The following ZNF267 variants were observed in gnomAD, a reference collection of about 807,000 sequenced individuals.
The protein encoded by ZNF267 is zinc finger (C2H2).
In ZNF267, 61 loss-of-function variants were observed where a neutral mutation model predicts 71.6. The observed-to-expected ratio is 0.85, with a 90% CI of 0.69 to 1.05. ZNF267 has a LOEUF of 1.05. ZNF267 is among the 50% of genes least tolerant of loss of function. The probability of loss-of-function intolerance (pLI) is 0.00; values close to 1 mark genes in which losing one functional copy is unlikely to be tolerated. For synonymous variants in ZNF267, 288 were observed against 293.2 expected (o/e 0.98, Z 0.18); for missense variants, 852 against 870.0 (o/e 0.98, Z 0.26).
chr16:31,890,235 C>T (rs192478442), intron 3 of ZNF267: 12 of 152,150 alleles, frequency 7.9e-5, no homozygotes, highest in African/African-American at 1.9e-4. Flanking sequence ...TATTGCATTT[C>T]GTTTTCTCAC....
rs2083831162 is a variant in ZNF267 at position 31,873,841 on chromosome 16, G to A, written c.-126G>A. The A allele has an allele frequency of 4.4e-6, 6 of 1,353,216 alleles. No individual in the cohort carries two copies. The highest frequency in any genetic ancestry group is 5.3e-6 in the Non-Finnish European group (5 of 950,478). 83.8% of individuals were successfully genotyped at this position (1,353,216 alleles called of 1,614,324 possible). A position where few individuals can be genotyped will look rare whatever the true frequency, so the allele number is the denominator to read the frequency against. On this transcript the variant is annotated 5_prime_UTR_variant, in exon 1 of 4. Transcript: ENST00000300870. ...TCGGGTCTCCTCGCCACAGCTCCGA[G>A]TCTTTCGTTCTGGGAGGCCCAGGCG...
chr16:31,887,174 A>T (rs1192184024), intron 3 of ZNF267, among the ~76,000 whole-genome samples: 1 of 151,558 alleles, frequency 6.6e-6, no homozygotes, highest in Non-Finnish European at 1.5e-5. Flanking sequence ...GAACCTTTTT[A>T]TAAACTTGTT....
Position 31,914,796 on chromosome 16 carries a change from A to G in ZNF267, c.547A>G (p.Ile183Val). 6.2e-7 allele frequency: 1 copy of G among 1,613,108 alleles called. No individual in the cohort carries two copies. Among genetic ancestry groups the G allele is most frequent in the Non-Finnish European group, 8.5e-7 (1 of 1,179,730 alleles). Residue 183 changes from isoleucine (I) to valine (V), a missense_variant, in exon 4 of 4, where the codon ATT (isoleucine) becomes GTT (valine). Coordinates refer to ENST00000300870, the MANE Select transcript of ZNF267 (RefSeq NM_003414.6). ...GCTTAATCAACAAGAGGAAATAGATATTTGGGGAAAACATCACATATATGA... is the reference window on the plus strand; with the variant it reads ...GCTTAATCAACAAGAGGAAATAGATGTTTGGGGAAAACATCACATATATGA... ...SLLNQQEEIDIWGKHHIYDKT... is the reference protein window; with the variant it reads ...SLLNQQEEIDVWGKHHIYDKT...
intron 3 of ZNF267, 40 bp downstream of exon 3, chr16:31,885,296 G>C (rs371362350): frequency 1.5e-5 from 23 of 1,556,530 alleles, no homozygotes; most frequent in Non-Finnish European, 1.9e-5. Context: ...TGGGCGAGAG[G>C]TCCAGAAGTC....
rs375892716 is a variant in ZNF267, at chr16:31,873,987, G to C, written c.3+18G>C. On this transcript the variant is annotated intron_variant, in intron 1 of 3. Coordinates refer to ENST00000300870, the MANE Select transcript of ZNF267 (RefSeq NM_003414.6). ...GGGAAATGGTGAGTGTGCGGGGTCG[G>C]GGGTCCCCAGAGGGAGGGAGGGCGG... The C allele has an allele frequency of 1.9e-6, 3 of 1,610,214 alleles. No individual in the cohort carries two copies. In the African/African-American group the frequency reaches 4.0e-5, roughly 22 times the overall value.
intron 1 of ZNF267, among the ~76,000 whole-genome samples, chr16:31,883,417 T>TA (rs2083903308): frequency 6.6e-6 from 1 of 152,224 alleles, no homozygotes; most frequent in African/African-American, 2.4e-5. Context: ...TATGTGCACA[T>TA]ATGCACATAA....
intron 1 of ZNF267, among the ~76,000 whole-genome samples, chr16:31,881,791 C>T (rs1030579794): frequency 1.7e-4 from 26 of 151,554 alleles, no homozygotes; most frequent in Non-Finnish European, 2.7e-4. Flanking sequence ...CTCAGCCTCC[C>T]GAGTAGCTGG....
intron 3 of ZNF267, among the ~76,000 whole-genome samples, chr16:31,903,575 A>T (rs2084060559): frequency 6.6e-6 from 1 of 152,164 alleles, no homozygotes; most frequent in South Asian, 2.1e-4. Context: ...TTATTTGCGT[A>T]GAGGTGTTTA....
intron 3 of ZNF267, chr16:31,914,017 G>A (rs746509984): frequency 6.5e-6 from 1 of 154,952 alleles, no homozygotes; most frequent in Non-Finnish European, 1.4e-5. Flanking sequence ...AAATGTTCTG[G>A]GTCACACCTG....
intron 1 of ZNF267, among the ~76,000 whole-genome samples, chr16:31,882,399 T>G (rs566236544): frequency 4.6e-5 from 7 of 152,330 alleles, no homozygotes; most frequent in African/African-American, 1.7e-4. Context: ...TAAGGGACTC[T>G]GTGCTGTGTC....
At position 31,885,173 on chromosome 16, in the gene ZNF267, C is replaced by CT; in HGVS notation, c.144dup (p.Lys49Ter). 1 of 1,609,642 alleles carries CT rather than the reference C, an allele frequency of 6.2e-7. No homozygotes were observed. The highest frequency in any genetic ancestry group is 8.5e-7 in the Non-Finnish European group (1 of 1,178,224). On this transcript the variant is annotated frameshift_variant, in exon 3 of 4. Coordinates refer to ENST00000300870, the MANE Select transcript of ZNF267 (RefSeq NM_003414.6). LOFTEE classifies it high-confidence loss of function. ...TCCAATAAAACAGGTCTTGTTGTCT[C>CT]TAAGCCGGACCTGATCACCTTTTTG... is the stretch of plus-strand genomic sequence containing the variant.
At chr16:31,874,068 C>A in intron 1 of ZNF267, 99 bp downstream of exon 1, 1 of 1,395,318 alleles carries the variant, frequency 7.2e-7, no homozygotes, top group Non-Finnish European at 1.0e-6. Context: ...CCGCAGTCAG[C>A]CTCGGGGTCT....
Position 31,915,367 on chromosome 16 carries a change from T to C in ZNF267, c.1118T>C (p.Ile373Thr), listed in dbSNP as rs1007657723. ...TTATACCTTACTAAACAGCAGCAAATTGATACTGGAGAAAACCTTTACAAA... is the reference window on the plus strand; with the variant it reads ...TTATACCTTACTAAACAGCAGCAAACTGATACTGGAGAAAACCTTTACAAA... ...CSLYLTKQQQ[I>T]DTGENLYKCK... is the part of the protein sequence containing the mutation. The change falls in exon 4 of 4, where the codon ATT becomes ACT. Residue 373 changes from isoleucine to threonine, a missense_variant. By Grantham distance (89) the Ile-to-Thr change is moderately conservative. Transcript: ENST00000300870. The C allele has an allele frequency of 6.2e-7, 1 of 1,613,464 alleles. No individual in the cohort carries two copies. Among genetic ancestry groups the C allele is most frequent in the Non-Finnish European group, 8.5e-7 (1 of 1,179,768 alleles).
In ZNF267 at chr16:31,884,643, C is replaced by T. The variant is rs771334253; in HGVS notation, c.130+19C>T. Reference sequence around the variant, plus strand: ...TCTCTGGGTGAGGATAACTTGCCTTCGGAATATCTAATAACTAAGAGTTTT... The same window carrying T: ...TCTCTGGGTGAGGATAACTTGCCTTTGGAATATCTAATAACTAAGAGTTTT... On this transcript the variant is annotated intron_variant, in intron 2 of 3. Coordinates refer to ENST00000300870, the MANE Select transcript of ZNF267 (RefSeq NM_003414.6). The T allele has an allele frequency of 8.1e-6, 13 of 1,603,034 alleles. No individual in the cohort carries two copies. Among genetic ancestry groups the T allele is most frequent in the African/African-American group, 1.3e-5 (1 of 74,124 alleles).
intron 3 of ZNF267, among the ~76,000 whole-genome samples, chr16:31,891,162 C>A (rs3913869): frequency 0.98 from 149,812 of 152,210 alleles, 73,775 homozygotes; most frequent in Middle Eastern, 1. Context: ...ATATTTGTAA[C>A]AGTCTAGTTT....
At chr16:31,904,879 C>G (rs943199360) in intron 3 of ZNF267, among the ~76,000 whole-genome samples, 2 of 152,140 alleles carry the variant, frequency 1.3e-5, no homozygotes, top group Admixed American at 6.5e-5. Flanking sequence ...TCTTTCTAGC[C>G]TTGATGGTCT....
chr16:31,899,695 G>T (rs1021735708), intron 3 of ZNF267, among the ~76,000 whole-genome samples: 4 of 152,126 alleles, frequency 2.6e-5, no homozygotes, highest in African/African-American at 9.7e-5. Context: ...CCTAACTGTG[G>T]TGTTTAGGAA....
At chr16:31,904,955 T>G (rs1172488762) in intron 3 of ZNF267, among the ~76,000 whole-genome samples, 1 of 152,180 alleles carries the variant, frequency 6.6e-6, no homozygotes, top group African/African-American at 2.4e-5. Flanking sequence ...AGTGCTTCCT[T>G]CAGGAGCTCT....
intron 3 of ZNF267, among the ~76,000 whole-genome samples, chr16:31,904,109 C>T (rs2142353674): frequency 6.6e-6 from 1 of 152,324 alleles, no homozygotes; most frequent in Non-Finnish European, 1.5e-5. Context: ...GAGTGAGTTT[C>T]TTAATCCTGA....
Sources: allele counts gnomAD v4.1 joint callset (sites outside exome capture counted in the v4.1 genomes callset), GRCh38; gene constraint gnomAD v4.1.1; transcripts MANE v1.5; gene names NCBI Gene and HGNC (gene_info 2026-07-23, HGNC 2026-07-21).